Variants in LRP3 observed in about 807,000 individuals in gnomAD.
The protein encoded by LRP3 is LDL receptor related protein 3, also known as low-density lipoprotein receptor-related protein 3.
In LRP3, 49 loss-of-function variants were observed where a neutral mutation model predicts 58.5. That is an observed-to-expected ratio of 0.84 (90% CI 0.67 to 1.06). The LOEUF (loss-of-function observed/expected upper bound fraction) is 1.06. LRP3 is among the 50% of genes least tolerant of loss of function. The pLI is 0.00. For missense variants in LRP3, 1,019 were observed against 1,134.2 expected (o/e 0.90, Z 1.46); for synonymous variants, 485 against 492.2 (o/e 0.99, Z 0.20).
Position 33,208,755 on chromosome 19 carries a change from CCTTAAACAGGCTT to C in LRP3, c.*1183_*1195del. ...AAACCCAGTCCACATTTTAGGGCTTCCTTAAACAGGCTTCTGAGAGTCGTATCTTTTTTCTTTT... is the reference window on the plus strand; with the variant it reads ...AAACCCAGTCCACATTTTAGGGCTTCCTGAGAGTCGTATCTTTTTTCTTTT... On this transcript the variant is annotated 3_prime_UTR_variant, in exon 7 of 7. Transcript: ENST00000253193. This position sits in a 1 kb window ranked among gnomAD's most constrained non-coding sequence, Gnocchi z 4.7. The C allele has an allele frequency of 9.0e-7, 1 of 1,114,638 alleles. No homozygotes were observed. The highest frequency in any genetic ancestry group is 1.4e-5 in the South Asian group (1 of 71,682). 69.0% of individuals were successfully genotyped at this position (1,114,638 alleles called of 1,614,324 possible).
At position 33,204,870 on chromosome 19, in the gene LRP3, G is replaced by A. The variant is rs757717494; in HGVS notation, c.475+18G>A. ...CATCCGAGGTGATGGAGGCTGCAGG[G>A]CAGGCAGGACACCACGGAGCACACC... On this transcript the variant is annotated intron_variant, in intron 4 of 6. Transcript: ENST00000253193. 2 of 1,609,540 alleles carry A rather than the reference G, an allele frequency of 1.2e-6. No homozygotes were observed. The highest frequency in any genetic ancestry group is 2.2e-5 in the South Asian group (2 of 90,994).
chr19:33,198,230 C>T (rs1473882880), intron 2 of LRP3, among the ~76,000 whole-genome samples: 2 of 152,198 alleles, frequency 1.3e-5, no homozygotes, highest in African/African-American at 4.8e-5. Flanking sequence ...TAGGGCCAGT[C>T]ATGGAGCTTG....
intron 3 of LRP3, chr19:33,204,067 G>A: frequency 6.5e-6 from 1 of 154,296 alleles, no homozygotes. Flanking sequence ...ATGGGCATGG[G>A]CAGGGTCTAT....
Position 33,206,043 on chromosome 19 carries a change from G to T in LRP3, c.1273G>T (p.Gly425Cys). The change falls in exon 5 of 7, where the codon GGT becomes TGT. Residue 425 changes from glycine (G) to cysteine (C), a missense_variant. By Grantham distance (159) the Gly-to-Cys change is radical (BLOSUM62 -3). Around this residue, in one of 2 missense-constraint regions of LRP3, gnomAD observed 592 missense variants for 725.5 expected, o/e 0.82. Coordinates refer to ENST00000253193, the MANE Select transcript of LRP3 (RefSeq NM_002333.4). The part of the protein sequence containing the change: ...ACPPDQYPCE[G>C]GSGLCYTPAD... ...CCCGCCCGACCAGTACCCCTGCGAG[G>T]GTGGCAGTGGTCTGTGCTACACGCC... 2 of 1,598,214 alleles carry T rather than the reference G, an allele frequency of 1.3e-6. No individual in the cohort carries two copies. The highest frequency in any genetic ancestry group is 1.1e-5 in the South Asian group (1 of 89,472).
Position 33,194,451 on chromosome 19 carries a change from T to G in LRP3, c.-335T>G, listed in dbSNP as rs1377303449. On this transcript the variant is annotated 5_prime_UTR_variant, in exon 1 of 7. Transcript: ENST00000253193. ...CCGCGGGGCATGGGCGCGCCGGGGG[T>G]CCCCGGGCCCAGGCCGGCCGCGGCG... 7.4e-6 allele frequency: 1 copy of G among 134,794 alleles called. No homozygotes were observed. Among genetic ancestry groups the G allele is most frequent in the Non-Finnish European group, 1.6e-5 (1 of 62,206 alleles). The allele number at this position is 134,794 out of a possible 1,614,324, so 8.3% of individuals were successfully genotyped here.
chr19:33,197,520 G>T (rs903160460), intron 2 of LRP3, among the ~76,000 whole-genome samples: 1 of 152,144 alleles, frequency 6.6e-6, no homozygotes, highest in Admixed American at 6.5e-5. Flanking sequence ...TTAGCTACTC[G>T]GGAGACTGAG....
In LRP3 at chr19:33,206,861, TG is replaced by T. The variant is rs986163162; in HGVS notation, c.1726-119del. ...GGTGACCTGAGGGCCCATGGCCAGGTGGGGGGGGTGGACAAGGTGGTCTCTC... is the reference window on the plus strand; with the variant it reads ...GGTGACCTGAGGGCCCATGGCCAGGTGGGGGGGTGGACAAGGTGGTCTCTC... On this transcript the variant is annotated intron_variant, in intron 6 of 6. Coordinates refer to ENST00000253193, the MANE Select transcript of LRP3 (RefSeq NM_002333.4). 909 of 1,210,988 alleles carry T rather than the reference TG, an allele frequency of 7.5e-4. 1 individual carries two copies. Among genetic ancestry groups the T allele is most frequent in the South Asian group, 1.1e-3 (71 of 62,122 alleles). 75.0% of individuals were successfully genotyped at this position (1,210,988 alleles called of 1,614,324 possible).
chr19:33,205,497 G>T lies in LRP3; in HGVS notation c.727G>T (p.Gly243Cys). 6.3e-7 allele frequency: 1 copy of T among 1,580,454 alleles called. No homozygotes were observed. Among genetic ancestry groups the T allele is most frequent in the Non-Finnish European group, 8.6e-7 (1 of 1,166,230 alleles). ...TGACGGCTTGCAGGACTGCGGCGAC[G>T]GCTCGGATGAGGCGGGCTGCCCCGA... is the stretch of plus-strand genomic sequence containing the variant. ...RCDGLQDCGD[G>C]SDEAGCPDLA... Residue 243 changes from glycine (G) to cysteine (C), a missense_variant, in exon 5 of 7, where the codon GGC becomes TGC. By Grantham distance (159) the Gly-to-Cys change is radical. Transcript: ENST00000253193.
intron 1 of LRP3, among the ~76,000 whole-genome samples, chr19:33,196,177 G>C (rs894878322): frequency 1.3e-5 from 2 of 152,128 alleles, no homozygotes; most frequent in Non-Finnish European, 2.9e-5. Flanking sequence ...CCTGTAAATG[G>C]GGATTATCAG....
chr19:33,204,816 G>C lies in LRP3; in HGVS notation c.439G>C (p.Gly147Arg), dbSNP rs775108916. 5 of 1,613,572 alleles carry C rather than the reference G, an allele frequency of 3.1e-6. No individual in the cohort carries two copies. The highest frequency in any genetic ancestry group is 4.2e-6 in the Non-Finnish European group (5 of 1,179,986). ...CTTCCACTCAGACGCCTCCAGCTCC[G>C]GCCAGGCCCAGGGCTTCCGTCTGTC... ...IFFHSDASSSGQAQGFRLSYI... is the reference protein window; with the variant it reads ...IFFHSDASSSRQAQGFRLSYI... The change falls in exon 4 of 7, where the codon GGC (glycine) becomes CGC (arginine). Residue 147 changes from glycine to arginine, a missense_variant. Gly to Arg is a moderately radical substitution (Grantham distance 125, BLOSUM62 -2). Coordinates refer to ENST00000253193, the MANE Select transcript of LRP3 (RefSeq NM_002333.4).
chr19:33,205,462 AG>A lies in LRP3; in HGVS notation c.693del (p.Glu231AspfsTer104). On this transcript the variant is annotated frameshift_variant, in exon 5 of 7. Transcript: ENST00000253193. LOFTEE classifies it high-confidence loss of function. ...GARSTRCLPVERRCDGLQDCG... is the reference protein window; with the variant it reads ...GARSTRCLPVXRRCDGLQDCG... Reference sequence around the variant, plus strand: ...CGCTCCACGCGCTGCCTGCCTGTGGAGCGGCGCTGTGACGGCTTGCAGGACT... The same window carrying A: ...CGCTCCACGCGCTGCCTGCCTGTGGACGGCGCTGTGACGGCTTGCAGGACT... 1 of 1,585,748 alleles carries A rather than the reference AG, an allele frequency of 6.3e-7. No homozygotes were observed. The highest frequency in any genetic ancestry group is 1.1e-5 in the South Asian group (1 of 88,972).
chr19:33,205,567 C>T lies in LRP3; in HGVS notation c.797C>T (p.Ala266Val). ...CTGGGCAGCTTCTACGGCTCCTTTG[C>T]CTCCCCAGACCTGTTCGGCGCCGCT... ...RRLGSFYGSFASPDLFGAARG... is the reference protein window; with the variant it reads ...RRLGSFYGSFVSPDLFGAARG... The change falls in exon 5 of 7, where the codon GCC becomes GTC. Residue 266 changes from alanine (A) to valine (V), a missense_variant. By Grantham distance (64) the Ala-to-Val change is moderately conservative. Around this residue, in one of 2 missense-constraint regions of LRP3, gnomAD observed 592 missense variants for 725.5 expected, o/e 0.82. Transcript: ENST00000253193. 1.2e-6 allele frequency: 2 copies of T among 1,604,338 alleles called. No homozygotes were observed. Among genetic ancestry groups the T allele is most frequent in the Non-Finnish European group, 1.7e-6 (2 of 1,176,366 alleles).
rs771300196 is a variant in LRP3 at position 33,206,153 on chromosome 19, C to T, written c.1383C>T (p.His461=). The change falls in exon 5 of 7, where the codon CAC becomes CAT. Residue 461 remains histidine (H), a synonymous_variant. Transcript: ENST00000253193. ...TCTCCTGCCAGCCCGGCACCTTCCACTGCGGTACCAACCTGTGCATCTTCG... is the reference window on the plus strand; with the variant it reads ...TCTCCTGCCAGCCCGGCACCTTCCATTGCGGTACCAACCTGTGCATCTTCG... ...NCFSCQPGTF[H]CGTNLCIFET... 6 of 1,606,032 alleles carry T rather than the reference C, an allele frequency of 3.7e-6. No individual in the cohort carries two copies. In the Admixed American group the frequency reaches 8.4e-5, roughly 22 times the overall value.
Position 33,197,964 on chromosome 19 carries a change from C to T in LRP3, c.121+1187C>T, listed in dbSNP as rs141437084. On this transcript the variant is annotated intron_variant, in intron 2 of 6. Transcript: ENST00000253193. ...TGGCTCAAGGCCGGGCCTTGCTCAG[C>T]GCTGACCTAGCCCCAGCCCTGTCTG... Among the ~76,000 whole-genome samples, 614 of 152,294 alleles carry T rather than the reference C, an allele frequency of 4.0e-3. 3 individuals carry two copies. Among genetic ancestry groups the T allele is most frequent in the African/African-American group, 0.014 (581 of 41,556 alleles).
chr19:33,196,763 C>T lies in LRP3; in HGVS notation c.107C>T (p.Ala36Val), dbSNP rs200314254. 31 of 1,614,038 alleles carry T rather than the reference C, an allele frequency of 1.9e-5. No homozygotes were observed. The highest frequency in any genetic ancestry group is 8.0e-5 in the African/African-American group (6 of 74,944). The change falls in exon 2 of 7, where the codon GCG (alanine) becomes GTG (valine). Residue 36 changes from alanine to valine, a missense_variant. Ala to Val is a moderately conservative substitution (Grantham distance 64, BLOSUM62 0). This residue lies in a region of LRP3 where 592 missense variants were observed against 725.5 expected (regional missense o/e 0.82). Coordinates refer to ENST00000253193, the MANE Select transcript of LRP3 (RefSeq NM_002333.4). ...TTTCTCACCGGGAGACTCAGCAGTG[C>T]GGTTCCTGCCTTAGGTAAGTAAGCA... ...NIFLTGRLSSAVPALAACSGK... is the reference protein window; with the variant it reads ...NIFLTGRLSSVVPALAACSGK...
rs1206896141 is a variant in LRP3, at chr19:33,194,460, C to T, written c.-326C>T. 7.0e-6 allele frequency: 1 copy of T among 142,822 alleles called. No individual in the cohort carries two copies. The highest frequency in any genetic ancestry group is 6.9e-5 in the Admixed American group (1 of 14,534). The allele number at this position is 142,822 out of a possible 1,614,324, so 8.8% of individuals were successfully genotyped here. Reference sequence around the variant, plus strand: ...ATGGGCGCGCCGGGGGTCCCCGGGCCCAGGCCGGCCGCGGCGGGGCTCCCG... The same window carrying T: ...ATGGGCGCGCCGGGGGTCCCCGGGCTCAGGCCGGCCGCGGCGGGGCTCCCG... On this transcript the variant is annotated 5_prime_UTR_variant, in exon 1 of 7. Transcript: ENST00000253193.
Position 33,207,080 on chromosome 19 carries a change from C to T in LRP3, c.1818C>T (p.Arg606=). The T allele has an allele frequency of 6.6e-7, 1 of 1,516,846 alleles. No individual in the cohort carries two copies. Among genetic ancestry groups the T allele is most frequent in the South Asian group, 1.2e-5 (1 of 80,560 alleles). 94.0% of individuals were successfully genotyped at this position (1,516,846 alleles called of 1,614,324 possible). The change falls in exon 7 of 7, where the codon CGC becomes CGT. Residue 606 remains arginine, a synonymous_variant. Transcript: ENST00000253193. ...GGCCCTCCCGCCGCCGCCTCGGCCG[C>T]CTCTGGAACCGGCTCTTTCACCGGC... The part of the protein sequence containing the change: ...RRGPSRRRLG[R]LWNRLFHRPR...
At position 33,206,716 on chromosome 19, in the gene LRP3, G is replaced by C; in HGVS notation, c.1708G>C (p.Val570Leu). 1 of 1,531,820 alleles carries C rather than the reference G, an allele frequency of 6.5e-7. No homozygotes were observed. The highest frequency in any genetic ancestry group is 8.8e-7 in the Non-Finnish European group (1 of 1,140,032). The allele number at this position is 1,531,820 out of a possible 1,614,324, so 94.9% of individuals were successfully genotyped here. ...GLIPPVEDFP[V>L]YSASQASVLQ... ...CATTCCACCCGTGGAGGACTTTCCT[G>C]TCTACAGTGCGTCCCAGGTGAGCCC... The change falls in exon 6 of 7, where the codon GTC becomes CTC. Residue 570 changes from valine to leucine, a missense_variant. Coordinates refer to ENST00000253193, the MANE Select transcript of LRP3 (RefSeq NM_002333.4).
rs770191049 is a variant in LRP3, at chr19:33,207,206, C to T, written c.1944C>T (p.Pro648=). 6.4e-5 allele frequency: 99 copies of T among 1,555,964 alleles called. 1 individual carries two copies. The highest frequency in any genetic ancestry group is 7.8e-5 in the Non-Finnish European group (90 of 1,156,366). ...GFLQPAPGAA[P]DPPAPLMDTG... ...TCCAGCCTGCTCCAGGGGCTGCCCC[C>T]GACCCCCCAGCACCGCTCATGGACA... Residue 648 remains proline (P), a synonymous_variant, in exon 7 of 7, where the codon CCC becomes CCT. Transcript: ENST00000253193.
Sources: gnomAD v4.1 joint callset for allele counts (sites outside exome capture counted in the v4.1 genomes callset) on GRCh38, gnomAD v4.1.1 for gene constraint, gnomAD v4.1.1 regional missense constraint, Gnocchi (gnomAD v3.1) non-coding constraint, MANE v1.5 for transcripts, NCBI Gene and HGNC (gene_info 2026-07-23, HGNC 2026-07-21) for gene names.